PLEKHA5: variants seen among roughly 807,000 people sequenced by gnomAD.
PLEKHA5 encodes pleckstrin homology domain containing A5.
In PLEKHA5, 55 loss-of-function variants were observed where a neutral mutation model predicts 181.9. The ratio of observed to expected loss-of-function variants is 0.30; its 90% CI spans 0.24 to 0.38. The LOEUF (loss-of-function observed/expected upper bound fraction) is 0.38. Among genes scored for constraint, PLEKHA5 ranks in the 10% least tolerant of loss-of-function variants. The pLI, the probability that PLEKHA5 is intolerant of heterozygous loss-of-function variation, is 1.00. For synonymous variants in PLEKHA5, 535 were observed against 529.4 expected, an observed-to-expected ratio of 1.01 and a Z score of -0.15; for missense variants, 1,432 against 1,549.5, an observed-to-expected ratio of 0.92 and a Z score of 1.27.
At chr12:19,317,068 A>G (rs2089094209) in intron 16 of PLEKHA5, among the ~76,000 whole-genome samples, 1 of 152,152 alleles carries the variant, frequency 6.6e-6, no homozygotes, top group Non-Finnish European at 1.5e-5. Context: ...ATTAAAAAAG[A>G]CTTAAAACTG....
intron 3 of PLEKHA5, among the ~76,000 whole-genome samples, chr12:19,156,740 A>T (rs2041812230): frequency 6.6e-6 from 1 of 151,952 alleles, no homozygotes; most frequent in Admixed American, 6.6e-5. Flanking sequence ...TATATTGGAA[A>T]TGTAGTTAAA....
At chr12:19,320,693 C>T in intron 18 of PLEKHA5, 69 bp downstream of exon 18, 3 of 715,050 alleles carry the variant, frequency 4.2e-6, no homozygotes, top group Middle Eastern at 2.5e-4. Context: ...TGGAAATAAG[C>T]ATGACCAAAA....
At chr12:19,299,992 C>G (rs1220636249) in intron 15 of PLEKHA5, among the ~76,000 whole-genome samples, 2 of 152,190 alleles carry the variant, frequency 1.3e-5, no homozygotes, top group African/African-American at 2.4e-5. Flanking sequence ...TCAGATACTT[C>G]CAAAGCACTC....
At chr12:19,233,823 C>G (rs1873637) in intron 3 of PLEKHA5, among the ~76,000 whole-genome samples, 141,615 of 152,274 alleles carry the variant, frequency 0.93, 66,370 homozygotes, top group Non-Finnish European at 1. Flanking sequence ...CATTGTTCTT[C>G]ACCTATAGTA....
At chr12:19,199,586 T>C (rs1352395229) in intron 3 of PLEKHA5, among the ~76,000 whole-genome samples, 1 of 152,178 alleles carries the variant, frequency 6.6e-6, no homozygotes, top group Non-Finnish European at 1.5e-5. Flanking sequence ...GAGCTTGCAG[T>C]TGCTCAGTAG....
intron 3 of PLEKHA5, among the ~76,000 whole-genome samples, chr12:19,168,674 G>A (rs182938488): frequency 6.6e-6 from 1 of 152,242 alleles, no homozygotes; most frequent in Non-Finnish European, 1.5e-5. Flanking sequence ...TTTTCATAAT[G>A]CTTTACTACA....
At chr12:19,156,878 C>G (rs2041852666) in intron 3 of PLEKHA5, among the ~76,000 whole-genome samples, 1 of 137,460 alleles carries the variant, frequency 7.3e-6, no homozygotes, top group African/African-American at 2.7e-5. Flanking sequence ...AAACAAATCT[C>G]TACTAACAAA....
intron 15 of PLEKHA5, among the ~76,000 whole-genome samples, chr12:19,296,343 C>G (rs1252971880): frequency 6.6e-6 from 1 of 151,680 alleles, no homozygotes; most frequent in Non-Finnish European, 1.5e-5. Context: ...GGTCAGGATT[C>G]CGAGACCAGC....
At chr12:19,138,572 CAA>C (rs61416754) in intron 3 of PLEKHA5, among the ~76,000 whole-genome samples, 32 of 85,692 alleles carry the variant, frequency 3.7e-4, no homozygotes, top group African/African-American at 2.8e-4. Flanking sequence ...GACTCTGTCT[CAA>C]AAAAAAAAAA....
chr12:19,351,530 G>C (rs2094592963), intron 25 of PLEKHA5, among the ~76,000 whole-genome samples: 1 of 152,022 alleles, frequency 6.6e-6, no homozygotes, highest in Non-Finnish European at 1.5e-5. Context: ...ACTAACTTCA[G>C]ACTTTCATAA....
At chr12:19,339,559 C>G (rs2093701035) in intron 21 of PLEKHA5, among the ~76,000 whole-genome samples, 1 of 152,096 alleles carries the variant, frequency 6.6e-6, no homozygotes, top group Admixed American at 6.5e-5. Flanking sequence ...TTAACATTAT[C>G]ACAATGAAAA....
intron 3 of PLEKHA5, among the ~76,000 whole-genome samples, chr12:19,211,537 C>A (rs2056902782): frequency 6.6e-6 from 1 of 152,088 alleles, no homozygotes; most frequent in African/African-American, 2.4e-5. Context: ...TATGGAATCC[C>A]TCTCAACACC....
intron 13 of PLEKHA5, among the ~76,000 whole-genome samples, chr12:19,289,718 T>G (rs1458602708): frequency 2.0e-5 from 3 of 152,128 alleles, no homozygotes; most frequent in Non-Finnish European, 2.9e-5. Flanking sequence ...CAAAAAAAGG[T>G]TCTCTTCTTT....
intron 13 of PLEKHA5, among the ~76,000 whole-genome samples, chr12:19,288,314 C>G (rs2077668396): frequency 6.6e-6 from 1 of 152,152 alleles, no homozygotes; most frequent in Non-Finnish European, 1.5e-5. Context: ...AAGACTGTAA[C>G]AAGCGTTCGA....
At position 19,283,705 on chromosome 12, in the gene PLEKHA5, A is replaced by T; in HGVS notation, c.1739A>T (p.Asp580Val). The T allele has an allele frequency of 6.2e-7, 1 of 1,613,976 alleles. No individual in the cohort carries two copies. The highest frequency in any genetic ancestry group is 1.1e-5 in the South Asian group (1 of 91,074). ...SEVSSPIQRGDVTIDRRHRAH... is the reference protein window; with the variant it reads ...SEVSSPIQRGVVTIDRRHRAH... The stretch of plus-strand genomic sequence containing the variant: ...GTGTCTTCACCAATTCAGAGAGGAG[A>T]TGTGACAATAGACCGCAGACACAGG... Residue 580 changes from aspartate to valine, a missense_variant, in exon 12 of 32, where the codon GAT (aspartate) becomes GTT (valine). Physicochemically the swap from Asp to Val is radical, Grantham distance 152. Coordinates refer to ENST00000429027, the MANE Select transcript of PLEKHA5 (RefSeq NM_001256470.2).
chr12:19,282,089 G>T (rs937845169), intron 11 of PLEKHA5, among the ~76,000 whole-genome samples: 1 of 152,142 alleles, frequency 6.6e-6, no homozygotes, highest in East Asian at 1.9e-4. Context: ...GCCCAAAGTG[G>T]TTTTTTTAAA....
chr12:19,165,660 G>A (rs145178148), intron 3 of PLEKHA5, among the ~76,000 whole-genome samples: 33 of 152,278 alleles, frequency 2.2e-4, no homozygotes, highest in African/African-American at 7.7e-4. Flanking sequence ...TGTTCAACCT[G>A]TGCTTTAACC....
intron 6 of PLEKHA5, among the ~76,000 whole-genome samples, chr12:19,258,341 C>G (rs1220234107): frequency 6.6e-6 from 1 of 151,982 alleles, no homozygotes; most frequent in Non-Finnish European, 1.5e-5. Context: ...CTTTCTGATT[C>G]TATATACGTA....
rs748565592 is a variant in PLEKHA5, at chr12:19,322,585, C to T, written c.2366C>T (p.Ala789Val). ...EIEMHADNPA[A>V]IQTVVLQRDD... ...GAAATGCATGCAGATAACCCAGCAG[C>T]CATTCAGACAGTGGTGTTACAAAGG... is the stretch of plus-strand genomic sequence containing the variant. The change falls in exon 20 of 32, where the codon GCC becomes GTC. Residue 789 changes from alanine to valine, a missense_variant. Coordinates refer to ENST00000429027, the MANE Select transcript of PLEKHA5 (RefSeq NM_001256470.2). The T allele has an allele frequency of 6.2e-7, 1 of 1,613,560 alleles. No individual in the cohort carries two copies. The highest frequency in any genetic ancestry group is 8.5e-7 in the Non-Finnish European group (1 of 1,179,522).
Sources: gnomAD v4.1 joint callset for allele counts (sites outside exome capture counted in the v4.1 genomes callset) on GRCh38, gnomAD v4.1.1 for gene constraint, MANE v1.5 for transcripts, NCBI Gene and HGNC (gene_info 2026-07-23, HGNC 2026-07-21) for gene names.